Variants in TEX15 observed in about 807,000 individuals in gnomAD.
TEX15 encodes the protein testis expressed 15, meiosis and synapsis associated.
A neutral mutation model predicts 237.3 loss-of-function variants in TEX15; 171 were observed. The ratio of observed to expected loss-of-function variants is 0.72; its 90% CI spans 0.64 to 0.82. TEX15 has a LOEUF of 0.82. Ranked by LOEUF, TEX15 falls within the 40% of genes least tolerant of loss-of-function variation. The probability of loss-of-function intolerance (pLI) is 0.00; values close to 1 mark genes in which losing one functional copy is unlikely to be tolerated. For missense variants in TEX15, 3,750 were observed against 3,646.5 expected (o/e 1.03, Z -0.73); for synonymous variants, 1,338 against 1,269.8 (o/e 1.05, Z -1.14).
At chr8:30,835,606 G>C (rs6992259) in intron 10 of TEX15, among the ~76,000 whole-genome samples, 31,093 of 151,888 alleles carry the variant, frequency 0.2, 4,248 homozygotes, top group African/African-American at 0.37. Flanking sequence ...CTCCGTATAA[G>C]ATATTAAAAG....
At chr8:30,908,337 G>A (rs368748253) in intron 1 of TEX15, among the ~76,000 whole-genome samples, 3 of 152,304 alleles carry the variant, frequency 2.0e-5, no homozygotes, top group Admixed American at 6.5e-5. Flanking sequence ...TAGGATTACA[G>A]GTGTGAGCCA....
chr8:30,896,263 G>C (rs1808903723), intron 2 of TEX15, among the ~76,000 whole-genome samples: 1 of 152,128 alleles, frequency 6.6e-6, no homozygotes, highest in Non-Finnish European at 1.5e-5. Context: ...AGAAGCCAAA[G>C]AGCAAAGAAT....
intron 3 of TEX15, among the ~76,000 whole-genome samples, chr8:30,878,372 T>C (rs1051940029): frequency 6.6e-6 from 1 of 151,998 alleles, no homozygotes; most frequent in Non-Finnish European, 1.5e-5. Flanking sequence ...CATATGGCAG[T>C]TGCATGCTTA....
At chr8:30,907,672 A>T (rs1274398176) in intron 1 of TEX15, among the ~76,000 whole-genome samples, 2 of 138,292 alleles carry the variant, frequency 1.4e-5, no homozygotes, top group Non-Finnish European at 3.2e-5. Context: ...TTATATATAA[A>T]TTATATATAA....
chr8:30,837,084 TATG>T lies in TEX15; in HGVS notation c.9197_9199del (p.Ser3066del). ...CCCAGAAGGAGATGGCTGTACTTCA[TATG>T]ATGTTATCCCTTGGTATGTCTGGGT... On this transcript the variant is annotated inframe_deletion, in exon 10 of 11. Transcript: ENST00000643185. The T allele has an allele frequency of 6.2e-7, 1 of 1,614,168 alleles. No individual in the cohort carries two copies. Among genetic ancestry groups the T allele is most frequent in the Non-Finnish European group, 8.5e-7 (1 of 1,180,038 alleles).
intron 1 of TEX15, among the ~76,000 whole-genome samples, chr8:30,904,621 C>A (rs963549235): frequency 6.6e-6 from 1 of 152,094 alleles, no homozygotes. Flanking sequence ...TTTTCCTCCC[C>A]CTGTGAGTTG....
At chr8:30,903,385 G>C (rs1809041807) in intron 1 of TEX15, among the ~76,000 whole-genome samples, 1 of 152,158 alleles carries the variant, frequency 6.6e-6, no homozygotes, top group South Asian at 2.1e-4. Context: ...CCAGGGGTTA[G>C]GACTCCCTTG....
rs1359044047 is a variant in TEX15 at position 30,843,128 on chromosome 8, T to C, written c.7039A>G (p.Ile2347Val). 6.2e-7 allele frequency: 1 copy of C among 1,613,014 alleles called. No homozygotes were observed. Among genetic ancestry groups the C allele is most frequent in the African/African-American group, 1.3e-5 (1 of 74,880 alleles). ...TCTATGCTAATTGTTGCTTCGTTTA[T>C]TGGATGATCTGACTTTCTGGAAGCA... ...IIASRKSDHP[I>V]NEATISIENS... The change falls in exon 8 of 11, where the codon ATA (isoleucine) becomes GTA (valine). Residue 2347 changes from isoleucine to valine, a missense_variant. Physicochemically the swap from Ile to Val is conservative, Grantham distance 29 (BLOSUM62 3). Transcript: ENST00000643185.
rs1807658845 is a variant in TEX15 at position 30,847,848 on chromosome 8, C to T, written c.2319G>A (p.Gln773=). The T allele has an allele frequency of 1.2e-6, 2 of 1,613,758 alleles. No individual in the cohort carries two copies. Among genetic ancestry groups the T allele is most frequent in the Admixed American group, 1.7e-5 (1 of 60,016 alleles). The part of the protein sequence containing the change: ...EAFPKPKDIP[Q]AKEMFIDTVI... The stretch of plus-strand genomic sequence containing the variant: ...CTGTATCAATGAACATTTCTTTGGC[C>T]TGGGGTATGTCTTTTGGTTTCGGGA... The change falls in exon 8 of 11, where the codon CAG becomes CAA. Residue 773 remains glutamine, a synonymous_variant. Transcript: ENST00000643185.
rs748550351 is a variant in TEX15, at chr8:30,888,667, C to T, written c.-9-1356G>A. 1.2e-5 allele frequency: 15 copies of T among 1,288,472 alleles called. No homozygotes were observed. The South Asian group carries it at 1.7e-4, about 15-fold the overall frequency. The allele number at this position is 1,288,472 out of a possible 1,614,324, so 79.8% of individuals were successfully genotyped here. On this transcript the variant is annotated intron_variant, in intron 2 of 10. Coordinates refer to ENST00000643185, the MANE Select transcript of TEX15 (RefSeq NM_001350162.2). ...GTAACATGGTTGATGGCCCTCCTGACACCTATCAACTGCTTAGTTCCAACA... is the reference window on the plus strand; with the variant it reads ...GTAACATGGTTGATGGCCCTCCTGATACCTATCAACTGCTTAGTTCCAACA...
intron 7 of TEX15, among the ~76,000 whole-genome samples, chr8:30,853,244 G>A (rs73570222): frequency 0.2 from 31,153 of 152,010 alleles, 4,260 homozygotes; most frequent in African/African-American, 0.37. Flanking sequence ...AGGTAAAATC[G>A]TCAAGGAAAG....
intron 2 of TEX15, among the ~76,000 whole-genome samples, chr8:30,894,867 A>T (rs1585313584): frequency 6.6e-6 from 1 of 152,216 alleles, no homozygotes; most frequent in Admixed American, 6.5e-5. Context: ...ACCCTTACAA[A>T]CAGACTGTGA....
At position 30,842,291 on chromosome 8, in the gene TEX15, AT is replaced by A; in HGVS notation, c.7875del (p.Cys2626ValfsTer7). ...VMKTIEHMKM[I>X]CTKNAELTIS... ...ATGGTTAGTTCAGCATTTTTAGTAC[AT>A]ATCATCTTCATATGTTCAATCGTTT... On this transcript the variant is annotated frameshift_variant, in exon 8 of 11. Coordinates refer to ENST00000643185, the MANE Select transcript of TEX15 (RefSeq NM_001350162.2). LOFTEE classifies it high-confidence loss of function. The A allele has an allele frequency of 2.5e-6, 4 of 1,613,848 alleles. No homozygotes were observed. Among genetic ancestry groups the A allele is most frequent in the Non-Finnish European group, 3.4e-6 (4 of 1,179,868 alleles).
Position 30,847,053 on chromosome 8 carries a change from T to G in TEX15, c.3114A>C (p.Ser1038=). 1 of 1,612,832 alleles carries G rather than the reference T, an allele frequency of 6.2e-7. No homozygotes were observed. Among genetic ancestry groups the G allele is most frequent in the Non-Finnish European group, 8.5e-7 (1 of 1,179,260 alleles). ...TTATTGATTGATGAAATGATTCTTG[T>G]GATTTATTTTTATCCGTATCAATTT... is the stretch of plus-strand genomic sequence containing the variant. ...DCEIDTDKNK[S]QESFHQSINE... The change falls in exon 8 of 11, where the codon TCA becomes TCC. Residue 1038 remains serine (S), a synonymous_variant. Coordinates refer to ENST00000643185, the MANE Select transcript of TEX15 (RefSeq NM_001350162.2).
At chr8:30,880,527 A>T (rs527337477) in intron 3 of TEX15, among the ~76,000 whole-genome samples, 2 of 152,280 alleles carry the variant, frequency 1.3e-5, no homozygotes, top group South Asian at 4.1e-4. Flanking sequence ...CTCAATGTGA[A>T]GATGATGAAG....
rs375635753 is a variant in TEX15, at chr8:30,845,850, T to C, written c.4317A>G (p.Lys1439=). The C allele has an allele frequency of 1.3e-5, 21 of 1,610,542 alleles. No individual in the cohort carries two copies. Among genetic ancestry groups the C allele is most frequent in the Non-Finnish European group, 1.8e-5 (21 of 1,179,076 alleles). Residue 1439 remains lysine, a synonymous_variant, in exon 8 of 11, where the codon AAA becomes AAG. Transcript: ENST00000643185. ...LQGYSSVSQR[K]YYSTKHFSSK... ...ACGAAAAATGCTTAGTAGAATAATATTTTCTTTGAGACACAGAACTATAAC... is the reference window on the plus strand; with the variant it reads ...ACGAAAAATGCTTAGTAGAATAATACTTTCTTTGAGACACAGAACTATAAC...
intron 2 of TEX15, among the ~76,000 whole-genome samples, chr8:30,888,324 T>C (rs1808708489): frequency 6.6e-6 from 1 of 152,194 alleles, no homozygotes; most frequent in Non-Finnish European, 1.5e-5. Context: ...CAAAAAGTTG[T>C]AAACTAACTA....
In TEX15 at chr8:30,867,429, T is replaced by C. The variant is rs1427458194; in HGVS notation, c.376A>G (p.Ser126Gly). Reference sequence around the variant, plus strand: ...TTCTGATATATCTGGGCTACATCACTCTGGGGAAGTGCTAAAAAGCAGAAC... The same window carrying C: ...TTCTGATATATCTGGGCTACATCACCCTGGGGAAGTGCTAAAAAGCAGAAC... Reference protein sequence around the residue: ...EQFCFLALPQSDVAQIYQNGI... With the variant: ...EQFCFLALPQGDVAQIYQNGI... Residue 126 changes from serine to glycine, a missense_variant, in exon 5 of 11, where the codon AGT becomes GGT. Coordinates refer to ENST00000643185, the MANE Select transcript of TEX15 (RefSeq NM_001350162.2). 1.3e-6 allele frequency: 2 copies of C among 1,534,910 alleles called. No homozygotes were observed. The highest frequency in any genetic ancestry group is 4.9e-5 in the East Asian group (2 of 40,834).
intron 2 of TEX15, among the ~76,000 whole-genome samples, chr8:30,890,802 G>C (rs1365301752): frequency 1.3e-5 from 2 of 151,668 alleles, no homozygotes; most frequent in East Asian, 3.9e-4. Flanking sequence ...TTGAAAACTT[G>C]GTAAATAAAA....
Sources: gnomAD v4.1 joint callset for allele counts (sites outside exome capture counted in the v4.1 genomes callset) on GRCh38, gnomAD v4.1.1 for gene constraint, MANE v1.5 for transcripts, NCBI Gene and HGNC (gene_info 2026-07-23, HGNC 2026-07-21) for gene names.